The following ZNF710 variants were observed in gnomAD, a reference collection of about 807,000 sequenced individuals.
ZNF710 encodes zinc finger protein 710.
ZNF710 carries 13 observed loss-of-function variants against 50.6 expected under a neutral mutation model. That is an observed-to-expected ratio of 0.26 (90% CI 0.17 to 0.41). The LOEUF (loss-of-function observed/expected upper bound fraction) is 0.41, where lower values mean the gene tolerates loss of function less well. Among genes scored for constraint, ZNF710 ranks in the 10% least tolerant of loss-of-function variants. ZNF710 has a pLI of 1.00. For missense variants in ZNF710, 721 were observed against 936.6 expected, an observed-to-expected ratio of 0.77 and a Z score of 3.01; for synonymous variants, 383 against 397.0, an observed-to-expected ratio of 0.96 and a Z score of 0.42.
upstream of ZNF710, among the ~76,000 whole-genome samples, chr15:89,998,495 A>G (rs1897961502): frequency 6.6e-6 from 1 of 152,218 alleles, no homozygotes; most frequent in African/African-American, 2.4e-5. Context: ...CCAGCCTCCC[A>G]GTGGGACACT....
At chr15:90,015,906 A>G (rs892631813) in intron 1 of ZNF710, among the ~76,000 whole-genome samples, 2 of 152,156 alleles carry the variant, frequency 1.3e-5, no homozygotes, top group African/African-American at 4.8e-5. Flanking sequence ...ACCGCGCCCA[A>G]TGCCATACGA....
intron 1 of ZNF710, among the ~76,000 whole-genome samples, chr15:90,042,604 G>A (rs759247448): frequency 2.0e-5 from 3 of 152,206 alleles, no homozygotes; most frequent in Admixed American, 6.5e-5. Flanking sequence ...GAGCTGCTGC[G>A]TAAAGGTGAC....
Position 90,034,450 on chromosome 15 carries a change from GT to G in ZNF710, c.-28-32659del, listed in dbSNP as rs1899050448. Among the ~76,000 whole-genome samples the G allele has an allele frequency of 6.6e-6, 1 of 151,016 alleles. No individual in the cohort carries two copies. Among genetic ancestry groups the G allele is most frequent in the Non-Finnish European group, 1.5e-5 (1 of 67,516 alleles). ...TTCCTGTGTGTGTGTGTGTGTGTGTGTGTGTGTGTGTGTGTGTGTGTGTGTA... is the reference window on the plus strand; with the variant it reads ...TTCCTGTGTGTGTGTGTGTGTGTGTGGTGTGTGTGTGTGTGTGTGTGTGTA... On this transcript the variant is annotated intron_variant, in intron 1 of 4. Transcript: ENST00000268154. This position sits in a 1 kb window ranked among gnomAD's most constrained non-coding sequence, Gnocchi z 4.0.
At position 90,068,716 on chromosome 15, in the gene ZNF710, T is replaced by C; in HGVS notation, c.1458+121T>C. The C allele has an allele frequency of 9.0e-7, 1 of 1,107,002 alleles. No homozygotes were observed. The highest frequency in any genetic ancestry group is 1.3e-6 in the Non-Finnish European group (1 of 782,942). The allele number at this position is 1,107,002 out of a possible 1,614,324, so 68.6% of individuals were successfully genotyped here. On this transcript the variant is annotated intron_variant, in intron 2 of 4. Coordinates refer to ENST00000268154, the MANE Select transcript of ZNF710 (RefSeq NM_198526.4). The surrounding 1 kb of genome is among the most constrained non-coding windows in gnomAD (Gnocchi z 5.0). ...TCTCCTAGTTTTATCGTTACGTACT[T>C]ATTTTGATGAGTATTAGAAATCAAT...
chr15:90,053,227 A>G (rs1386540999), intron 1 of ZNF710, among the ~76,000 whole-genome samples: 1 of 152,076 alleles, frequency 6.6e-6, no homozygotes, highest in Non-Finnish European at 1.5e-5. Flanking sequence ...CACCCTGAGC[A>G]TTTGCTGGGT....
intron 1 of ZNF710, among the ~76,000 whole-genome samples, chr15:90,056,367 T>G (rs933415265): frequency 6.6e-6 from 1 of 151,808 alleles, no homozygotes; most frequent in African/African-American, 2.4e-5. Flanking sequence ...TGAGCCGAGA[T>G]CATACCATTG....
chr15:90,045,760 G>A (rs546122107), intron 1 of ZNF710, among the ~76,000 whole-genome samples: 1 of 152,274 alleles, frequency 6.6e-6, no homozygotes, highest in Non-Finnish European at 1.5e-5. Flanking sequence ...TTAGGGGGTG[G>A]AGAGAAAACA....
chr15:90,043,693 G>C (rs945730513), intron 1 of ZNF710, among the ~76,000 whole-genome samples: 1 of 152,206 alleles, frequency 6.6e-6, no homozygotes, highest in African/African-American at 2.4e-5. Context: ...CACTGCTTCA[G>C]GCTGCTCCTT....
chr15:90,039,362 T>C (rs1899231180), intron 1 of ZNF710, among the ~76,000 whole-genome samples: 1 of 152,014 alleles, frequency 6.6e-6, no homozygotes, highest in Non-Finnish European at 1.5e-5. Context: ...CTTCATTTCG[T>C]GGGTGGGATT....
Position 90,079,703 on chromosome 15 carries a change from C to T in ZNF710, c.1869C>T (p.Asp623=), listed in dbSNP as rs370961361. The change falls in exon 5 of 5, where the codon GAC becomes GAT. Residue 623 remains aspartate, a synonymous_variant. Transcript: ENST00000268154. The part of the protein sequence containing the change: ...ELTGTDPSEL[D]GQQEMEDFEE... ...CAGGCACTGACCCTTCAGAGCTCGA[C>T]GGCCAGCAGGAGATGGAGGACTTCG... The T allele has an allele frequency of 3.8e-5, 62 of 1,613,948 alleles. No individual in the cohort carries two copies. Among genetic ancestry groups the T allele is most frequent in the Admixed American group, 2.7e-4 (16 of 59,988 alleles).
intron 1 of ZNF710, chr15:90,025,197 G>GGTCCCTCACAGGGCCACCGT (rs1424867527): frequency 2.6e-5 from 4 of 152,030 alleles, no homozygotes; most frequent in African/African-American, 9.7e-5. Flanking sequence ...AGGGTGACCG[G>GGTCCCTCACAGGGCCACCGT]GTCCCTCACA....
intron 1 of ZNF710, among the ~76,000 whole-genome samples, chr15:90,047,458 C>T (rs1207616906): frequency 6.6e-6 from 1 of 152,198 alleles, no homozygotes; most frequent in Non-Finnish European, 1.5e-5. Flanking sequence ...TGGATCTAAA[C>T]CGGTGCTTCA....
chr15:90,024,034 A>G (rs1395094569), intron 1 of ZNF710, among the ~76,000 whole-genome samples: 4 of 151,412 alleles, frequency 2.6e-5, no homozygotes, highest in Non-Finnish European at 5.9e-5. Context: ...AACCCAGAAC[A>G]CCCAGCCATG....
chr15:90,011,176 C>T (rs997205162), intron 1 of ZNF710, among the ~76,000 whole-genome samples: 14 of 151,800 alleles, frequency 9.2e-5, no homozygotes, highest in African/African-American at 3.4e-4. Flanking sequence ...GTGATCCACC[C>T]ATCTCGGCCT....
At chr15:90,027,845 C>CG (rs980662780) in intron 1 of ZNF710, among the ~76,000 whole-genome samples, 8 of 73,002 alleles carry the variant, frequency 1.1e-4, no homozygotes, top group African/African-American at 5.2e-4. Context: ...GACACTGTCT[C>CG]GAAAAAAAAA....
intron 1 of ZNF710, among the ~76,000 whole-genome samples, chr15:90,064,756 G>A (rs1900115661): frequency 6.6e-6 from 1 of 152,198 alleles, no homozygotes; most frequent in South Asian, 2.1e-4. Flanking sequence ...ACAAAGTGCT[G>A]GGATTACAGG....
intron 1 of ZNF710, among the ~76,000 whole-genome samples, chr15:90,004,460 C>A (rs752920495): frequency 9.9e-5 from 15 of 152,220 alleles, no homozygotes; most frequent in African/African-American, 3.6e-4. Context: ...CCCATACCCT[C>A]GTTCCTCAGG....
rs1357862539 is a variant in ZNF710 at position 90,067,742 on chromosome 15, C to G, written c.605C>G (p.Pro202Arg). Residue 202 changes from proline to arginine, a missense_variant, in exon 2 of 5, where the codon CCC (proline) becomes CGC (arginine). Transcript: ENST00000268154. This position sits in a 1 kb window ranked among gnomAD's most constrained non-coding sequence, Gnocchi z 8.1. ...PAPARDGFPE[P>R]SMALPGPEAL... ...CCGGCCCGGGATGGCTTCCCCGAGC[C>G]CAGCATGGCGCTGCCTGGGCCAGAG... The G allele has an allele frequency of 1.3e-6, 2 of 1,598,370 alleles. No homozygotes were observed. The highest frequency in any genetic ancestry group is 2.7e-5 in the African/African-American group (2 of 74,616).
intron 1 of ZNF710, among the ~76,000 whole-genome samples, chr15:90,008,456 A>ATATATACATG (rs1898210660): frequency 1.4e-5 from 2 of 143,402 alleles, no homozygotes; most frequent in Non-Finnish European, 1.5e-5. Flanking sequence ...ATATATATGT[A>ATATATACATG]TATATATATA....
Sources: gnomAD v4.1 joint callset for allele counts (sites outside exome capture counted in the v4.1 genomes callset) on GRCh38, gnomAD v4.1.1 for gene constraint, Gnocchi (gnomAD v3.1) non-coding constraint, MANE v1.5 for transcripts, NCBI Gene and HGNC (gene_info 2026-07-23, HGNC 2026-07-21) for gene names.